INPP4B: variants seen among roughly 807,000 people sequenced by gnomAD.
The protein encoded by INPP4B is inositol polyphosphate 4-phosphatase type II.
INPP4B carries 55 observed loss-of-function variants against 122.5 expected under a neutral mutation model. The observed-to-expected ratio is 0.45, with a 90% CI of 0.36 to 0.56. The LOEUF is 0.56. INPP4B is among the 20% of genes least tolerant of loss of function. INPP4B has a pLI of 0.00. For missense variants in INPP4B, 1,000 were observed against 1,097.7 expected, an observed-to-expected ratio of 0.91 and a Z score of 1.26; for synonymous variants, 403 against 388.7, an observed-to-expected ratio of 1.04 and a Z score of -0.43.
At chr4:142,460,797 A>G (rs555212561) in intron 3 of INPP4B, among the ~76,000 whole-genome samples, 1 of 152,276 alleles carries the variant, frequency 6.6e-6, no homozygotes, top group Admixed American at 6.6e-5. Context: ...CATATGCTGA[A>G]AACTTCTCTT....
Position 142,243,327 on chromosome 4 carries a change from A to G in INPP4B, c.689-5316T>C, listed in dbSNP as rs369199363. On this transcript the variant is annotated intron_variant, in intron 11 of 25. Transcript: ENST00000262992. The stretch of plus-strand genomic sequence containing the variant: ...AGTCATCTAAGAGATGGTTCTATTC[A>G]TCATTAGATAGTCAAATTTACTCTT... 5.6e-4 allele frequency among the ~76,000 whole-genome samples: 81 copies of G among 143,820 alleles called. 1 individual carries two copies. Among genetic ancestry groups the G allele is most frequent in the Middle Eastern group, 6.9e-3 (2 of 290 alleles). 94.4% of individuals were successfully genotyped at this position (143,820 alleles called of 152,430 possible).
chr4:142,142,578 G>A (rs1274014102), intron 18 of INPP4B, among the ~76,000 whole-genome samples: 1 of 151,972 alleles, frequency 6.6e-6, no homozygotes, highest in East Asian at 1.9e-4. Context: ...GGAAGTCAGT[G>A]AGTAAAACAA....
intron 1 of INPP4B, among the ~76,000 whole-genome samples, chr4:142,739,587 C>G (rs1171843030): frequency 6.6e-6 from 1 of 151,718 alleles, no homozygotes; most frequent in Non-Finnish European, 1.5e-5. Flanking sequence ...TATACATACA[C>G]CACCACCACA....
intron 17 of INPP4B, among the ~76,000 whole-genome samples, chr4:142,155,186 A>C (rs1816544555): frequency 6.6e-6 from 1 of 152,068 alleles, no homozygotes; most frequent in Non-Finnish European, 1.5e-5. Context: ...GGAGTCTATA[A>C]AAATTTGTTA....
chr4:142,685,368 G>A lies in INPP4B; in HGVS notation c.-191+40471C>T, dbSNP rs558886452. Among the ~76,000 whole-genome samples the A allele has an allele frequency of 3.3e-5, 5 of 152,184 alleles. No homozygotes were observed. The South Asian group carries it at 1.0e-3, about 32-fold the overall frequency. On this transcript the variant is annotated intron_variant, in intron 2 of 25. Coordinates refer to ENST00000262992, the MANE Select transcript of INPP4B (RefSeq NM_001101669.3). ...ATCCTTCATTGGGGAGACATTTTTA[G>A]TGAGTAATATTTCAAAGACTATTCA... is the stretch of plus-strand genomic sequence containing the variant.
chr4:142,719,359 T>C lies in INPP4B; in HGVS notation c.-191+6480A>G. Among the ~76,000 whole-genome samples the C allele has an allele frequency of 1.3e-5, 2 of 152,034 alleles. 1 individual carries two copies. ...TATTTTTTGAGACAGGGTCTTACTT[T>C]GCCACCCAGGCTGGAGTGTAGTGGT... On this transcript the variant is annotated intron_variant, in intron 2 of 25. Coordinates refer to ENST00000262992, the MANE Select transcript of INPP4B (RefSeq NM_001101669.3).
chr4:142,131,847 C>G (rs1801432458), intron 18 of INPP4B, among the ~76,000 whole-genome samples: 1 of 151,882 alleles, frequency 6.6e-6, no homozygotes, highest in Admixed American at 6.6e-5. Flanking sequence ...CCCAGCTACT[C>G]AGGAGGCTGA....
chr4:142,749,488 A>C (rs1769313592), intron 1 of INPP4B, among the ~76,000 whole-genome samples: 1 of 151,216 alleles, frequency 6.6e-6, no homozygotes. Flanking sequence ...AAACCAATTA[A>C]AAGAAGTAAA....
intron 15 of INPP4B, among the ~76,000 whole-genome samples, chr4:142,184,936 A>G (rs1832507912): frequency 6.6e-6 from 1 of 152,202 alleles, no homozygotes; most frequent in Non-Finnish European, 1.5e-5. Context: ...CAGCAAAGAA[A>G]TTTTTAAAAT....
intron 1 of INPP4B, among the ~76,000 whole-genome samples, chr4:142,800,281 G>C (rs1777840927): frequency 6.6e-6 from 1 of 152,000 alleles, no homozygotes; most frequent in Non-Finnish European, 1.5e-5. Context: ...ATTTATACCA[G>C]GCAAACAAAC....
At chr4:142,730,129 A>G (rs1019065849) in intron 1 of INPP4B, among the ~76,000 whole-genome samples, 2 of 152,070 alleles carry the variant, frequency 1.3e-5, no homozygotes, top group African/African-American at 2.4e-5. Flanking sequence ...TCTTCCTTTC[A>G]TCTCCAGATC....
chr4:142,486,788 G>T (rs1010548150), intron 2 of INPP4B, among the ~76,000 whole-genome samples: 3 of 152,020 alleles, frequency 2.0e-5, no homozygotes, highest in African/African-American at 7.2e-5. Context: ...ATAAAAGCTG[G>T]TGTTCATTTT....
chr4:142,358,780 T>A (rs1175260799), intron 7 of INPP4B, among the ~76,000 whole-genome samples: 1 of 151,816 alleles, frequency 6.6e-6, no homozygotes, highest in Non-Finnish European at 1.5e-5. Flanking sequence ...CAAATGCACA[T>A]GCCCACACTT....
intron 18 of INPP4B, among the ~76,000 whole-genome samples, chr4:142,141,192 A>T (rs926810842): frequency 6.6e-6 from 1 of 152,214 alleles, no homozygotes; most frequent in Non-Finnish European, 1.5e-5. Context: ...GAAAGAAAAC[A>T]TATTAGGATC....
chr4:142,811,275 C>T (rs1426351190), intron 1 of INPP4B, among the ~76,000 whole-genome samples: 2 of 152,146 alleles, frequency 1.3e-5, no homozygotes, highest in Admixed American at 1.3e-4. Flanking sequence ...AGGCAGAGGG[C>T]ACTGCTGATG....
At chr4:142,749,462 G>T (rs928181039) in intron 1 of INPP4B, among the ~76,000 whole-genome samples, 17 of 150,222 alleles carry the variant, frequency 1.1e-4, no homozygotes, top group Admixed American at 2.0e-4. Flanking sequence ...GGATACGAAG[G>T]ATGAATCAAA....
intron 9 of INPP4B, among the ~76,000 whole-genome samples, chr4:142,299,942 A>G (rs1760695723): frequency 6.6e-6 from 1 of 152,226 alleles, no homozygotes; most frequent in South Asian, 2.1e-4. Flanking sequence ...AAATGCCATT[A>G]TAGAAGTATT....
intron 17 of INPP4B, among the ~76,000 whole-genome samples, chr4:142,147,165 A>G (rs1811225191): frequency 6.6e-6 from 1 of 152,112 alleles, no homozygotes; most frequent in Non-Finnish European, 1.5e-5. Context: ...TCTATAATAG[A>G]GCTATCCCAG....
At chr4:142,250,007 A>T (rs1731141514) in intron 11 of INPP4B, among the ~76,000 whole-genome samples, 1 of 152,322 alleles carries the variant, frequency 6.6e-6, no homozygotes, top group East Asian at 1.9e-4. Flanking sequence ...CTTTTTAACA[A>T]CTTAATTTTA....
Sources: gnomAD v4.1 joint callset for allele counts (sites outside exome capture counted in the v4.1 genomes callset) on GRCh38, gnomAD v4.1.1 for gene constraint, MANE v1.5 for transcripts, NCBI Gene and HGNC (gene_info 2026-07-23, HGNC 2026-07-21) for gene names.